The following EML1 variants were observed in gnomAD, a reference collection of about 807,000 sequenced individuals.
EML1 encodes EMAP like 1, also known as echinoderm microtubule-associated protein-like 1.
In EML1, 27 loss-of-function variants were observed where a neutral mutation model predicts 110.4. The ratio of observed to expected loss-of-function variants is 0.24; its 90% CI spans 0.18 to 0.34. The LOEUF is 0.34. EML1 is among the 10% of genes least tolerant of loss of function. EML1 has a pLI of 1.00. For missense variants in EML1, 741 were observed against 1,030.9 expected (o/e 0.72, Z 3.85); for synonymous variants, 344 against 385.8 (o/e 0.89, Z 1.27).
chr14:99,767,698 C>A (rs1157687816), intron 1 of EML1, among the ~76,000 whole-genome samples: 6 of 151,990 alleles, frequency 3.9e-5, no homozygotes, highest in Admixed American at 3.3e-4. Flanking sequence ...AATTGTGAGA[C>A]CCTTTTCAAA....
At chr14:99,922,065 G>C (rs529437386) in intron 17 of EML1, among the ~76,000 whole-genome samples, 16 of 152,272 alleles carry the variant, frequency 1.1e-4, no homozygotes, top group Admixed American at 1.0e-3. Context: ...CCATGTTACT[G>C]TGCACAGAGC....
rs56335905 is a variant in EML1, at chr14:99,754,446, G to A, written c.28+16586G>A. Among the ~76,000 whole-genome samples the A allele has an allele frequency of 3.5e-3, 529 of 152,316 alleles. 6 individuals are homozygous for A. The highest frequency in any genetic ancestry group is 0.012 in the African/African-American group (497 of 41,580). On this transcript the variant is annotated intron_variant, in intron 1 of 10. Transcript: ENST00000554479. ...AAGGGCTCCACCAGACCTCTGGGTGGGGCCGTGACTCCCAGACCAGCCTGC... is the reference window on the plus strand; with the variant it reads ...AAGGGCTCCACCAGACCTCTGGGTGAGGCCGTGACTCCCAGACCAGCCTGC...
At chr14:99,861,841 T>C (rs575751541) in intron 2 of EML1, among the ~76,000 whole-genome samples, 1 of 152,304 alleles carries the variant, frequency 6.6e-6, no homozygotes, top group Non-Finnish European at 1.5e-5. Flanking sequence ...TCTAGAAAAG[T>C]TGTAAGCACA....
chr14:99,877,657 C>A (rs2059315097), intron 3 of EML1, among the ~76,000 whole-genome samples: 1 of 152,184 alleles, frequency 6.6e-6, no homozygotes, highest in Non-Finnish European at 1.5e-5. Flanking sequence ...GCATTGTACA[C>A]AGGGTGGAAC....
intron 14 of EML1, 124 bp from the exon 15 acceptor site, chr14:99,914,442 G>A: frequency 6.5e-7 from 1 of 1,528,428 alleles, no homozygotes; most frequent in East Asian, 2.3e-5. Flanking sequence ...TGAAAGATGG[G>A]AGGAGAGAAA....
At chr14:99,885,592 T>A (rs560577864) in intron 4 of EML1, among the ~76,000 whole-genome samples, 8 of 152,338 alleles carry the variant, frequency 5.3e-5, no homozygotes, top group African/African-American at 1.9e-4. Context: ...CACTGGAAGA[T>A]GAGACTTACG....
chr14:99,739,643 C>T (rs2057019677), intron 1 of EML1, among the ~76,000 whole-genome samples: 1 of 152,162 alleles, frequency 6.6e-6, no homozygotes, highest in South Asian at 2.1e-4. Context: ...TGCCACGTGA[C>T]GGTCTTTTGT....
At position 99,798,832 on chromosome 14, in the gene EML1, C is replaced by CT. The variant is rs1304583397; in HGVS notation, c.67+5299dup. On this transcript the variant is annotated intron_variant, in intron 1 of 21. Coordinates refer to ENST00000262233, the MANE Select transcript of EML1 (RefSeq NM_004434.3). ...TAAATCTTTTCTTAAATTTAATTAC[C>CT]TTTTTTTTTTGAGGGTAAGTTTCCT... Among the ~76,000 whole-genome samples the CT allele has an allele frequency of 3.2e-3, 479 of 149,252 alleles. 2 individuals are homozygous for CT. The highest frequency in any genetic ancestry group is 9.3e-3 in the African/African-American group (378 of 40,742).
intron 1 of EML1, among the ~76,000 whole-genome samples, chr14:99,834,735 T>C (rs1246949988): frequency 6.6e-6 from 1 of 152,270 alleles, no homozygotes; most frequent in African/African-American, 2.4e-5. Flanking sequence ...TGAAATAGTT[T>C]GTGTGAATTA....
chr14:99,909,918 G>A (rs960363733), intron 11 of EML1, among the ~76,000 whole-genome samples: 14 of 152,088 alleles, frequency 9.2e-5, no homozygotes, highest in African/African-American at 2.9e-4. Flanking sequence ...TCTGGTGCTC[G>A]GACCCTGCCC....
intron 1 of EML1, among the ~76,000 whole-genome samples, chr14:99,848,461 A>G (rs1446709706): frequency 1.3e-5 from 2 of 152,154 alleles, no homozygotes; most frequent in Non-Finnish European, 2.9e-5. Context: ...ATATTTTAAA[A>G]CATGTTGTAT....
chr14:99,877,264 G>C (rs2059308269), intron 3 of EML1, among the ~76,000 whole-genome samples: 1 of 152,014 alleles, frequency 6.6e-6, no homozygotes, highest in Admixed American at 6.6e-5. Flanking sequence ...GCTTCACCCT[G>C]CTGACCTCAT....
At chr14:99,927,797 T>G (rs1440021952) in intron 17 of EML1, among the ~76,000 whole-genome samples, 2 of 5,544 alleles carry the variant, frequency 3.6e-4, no homozygotes, top group African/African-American at 2.1e-3. Flanking sequence ...GTGGTATTGG[T>G]GGTGGGGGGG....
chr14:99,870,459 G>A (rs921063253), intron 3 of EML1, among the ~76,000 whole-genome samples: 3 of 152,234 alleles, frequency 2.0e-5, no homozygotes, highest in African/African-American at 7.2e-5. Context: ...GATAACTGGT[G>A]AAAGCAGCTA....
At chr14:99,929,624 A>G (rs999569987) in intron 17 of EML1, among the ~76,000 whole-genome samples, 1 of 152,254 alleles carries the variant, frequency 6.6e-6, no homozygotes. Flanking sequence ...TTCTGGTTAC[A>G]CAAGATTTTT....
chr14:99,921,112 G>T (rs933384797), intron 17 of EML1, among the ~76,000 whole-genome samples: 3 of 146,604 alleles, frequency 2.0e-5, no homozygotes, highest in Non-Finnish European at 4.5e-5. Flanking sequence ...CTTGTTCCCC[G>T]CCCAGTGTGT....
chr14:99,812,011 C>A (rs931849011), intron 1 of EML1, among the ~76,000 whole-genome samples: 1 of 151,702 alleles, frequency 6.6e-6, no homozygotes, highest in Non-Finnish European at 1.5e-5. Flanking sequence ...GCAGAAAATT[C>A]CTGTGTAAGT....
At chr14:99,776,306 C>G (rs1297771487) in intron 1 of EML1, among the ~76,000 whole-genome samples, 3 of 152,186 alleles carry the variant, frequency 2.0e-5, no homozygotes, top group Admixed American at 1.3e-4. Flanking sequence ...AGCTCGAGAC[C>G]AGCCTGGCCA....
intron 16 of EML1, among the ~76,000 whole-genome samples, chr14:99,919,764 A>G (rs759929147): frequency 6.6e-6 from 1 of 152,176 alleles, no homozygotes; most frequent in African/African-American, 2.4e-5. Context: ...AGCCTTTATT[A>G]AGGTTAAATA....
Sources: gnomAD v4.1 joint callset for allele counts (sites outside exome capture counted in the v4.1 genomes callset) on GRCh38, gnomAD v4.1.1 for gene constraint, MANE v1.5 for transcripts, NCBI Gene and HGNC (gene_info 2026-07-23, HGNC 2026-07-21) for gene names.